FAM83B: variants seen among roughly 807,000 people sequenced by gnomAD.
The protein encoded by FAM83B is protein FAM83B.
FAM83B carries 26 observed loss-of-function variants against 38.8 expected under a neutral mutation model. That is an observed-to-expected ratio of 0.67 (90% CI 0.49 to 0.93). The LOEUF is 0.93. FAM83B is among the 40% of genes least tolerant of loss of function. FAM83B has a pLI of 0.00. For missense variants in FAM83B, 1,237 were observed against 1,197.3 expected (o/e 1.03, Z -0.49); for synonymous variants, 419 against 423.1 (o/e 0.99, Z 0.12).
In FAM83B at chr6:54,870,780, A is replaced by T. The variant is rs369668183; in HGVS notation, c.444+90A>T. On this transcript the variant is annotated intron_variant, in intron 2 of 4. Transcript: ENST00000306858. ...CACAAATATGTATGTTAATAAAAGA[A>T]TCTCTATATGTATAGGCCATGCCTA... 6.5e-6 allele frequency: 8 copies of T among 1,240,162 alleles called. No homozygotes were observed. The South Asian group carries it at 1.3e-4, about 19-fold the overall frequency. 76.8% of individuals were successfully genotyped at this position (1,240,162 alleles called of 1,614,324 possible).
At position 54,877,105 on chromosome 6, in the gene FAM83B, C is replaced by T. The variant is rs143696264; in HGVS notation, c.444+6415C>T. Among the ~76,000 whole-genome samples, 9 of 152,234 alleles carry T rather than the reference C, an allele frequency of 5.9e-5. No homozygotes were observed. The East Asian group carries it at 1.7e-3, about 29-fold the overall frequency. On this transcript the variant is annotated intron_variant, in intron 2 of 4. Transcript: ENST00000306858. Reference sequence around the variant, plus strand: ...ATTAGCAGTTTTACACACTCAGATGCCTTCAGGGCTAAGCCACAAAAATAA... The same window carrying T: ...ATTAGCAGTTTTACACACTCAGATGTCTTCAGGGCTAAGCCACAAAAATAA...
intron 1 of FAM83B, among the ~76,000 whole-genome samples, chr6:54,848,848 C>T (rs1380312241): frequency 1.3e-5 from 2 of 152,052 alleles, no homozygotes; most frequent in African/African-American, 2.4e-5. Flanking sequence ...TGAAAAGAGG[C>T]CACTTAGCTT....
At chr6:54,861,027 C>T (rs1275084040) in intron 1 of FAM83B, among the ~76,000 whole-genome samples, 1 of 152,186 alleles carries the variant, frequency 6.6e-6, no homozygotes, top group Non-Finnish European at 1.5e-5. Flanking sequence ...TTGCCTTGGC[C>T]TACCAAAGTG....
rs775290734 is a variant in FAM83B at position 54,941,838 on chromosome 6, C to G, written c.2867C>G (p.Thr956Ser). The G allele has an allele frequency of 6.3e-7, 1 of 1,578,392 alleles. No homozygotes were observed. Among genetic ancestry groups the G allele is most frequent in the South Asian group, 1.1e-5 (1 of 90,372 alleles). ...CAGCCAACAAGCAACATGCCAAATA[C>G]CAGTATAAATCGCCCAGAAATAAAA... ...SIQPTSNMPN[T>S]SINRPEIKSA... The change falls in exon 5 of 5, where the codon ACC (threonine) becomes AGC (serine). Residue 956 changes from threonine to serine, a missense_variant. Coordinates refer to ENST00000306858, the MANE Select transcript of FAM83B (RefSeq NM_001010872.3).
At chr6:54,925,542 T>C (rs1365864643) in intron 2 of FAM83B, among the ~76,000 whole-genome samples, 12 of 152,198 alleles carry the variant, frequency 7.9e-5, no homozygotes, top group Admixed American at 7.9e-4. Flanking sequence ...ATTTTCCTTC[T>C]AAATTATATC....
intron 2 of FAM83B, among the ~76,000 whole-genome samples, chr6:54,915,558 G>C (rs1173399506): frequency 2.2e-5 from 2 of 91,270 alleles, no homozygotes; most frequent in Non-Finnish European, 4.3e-5. Context: ...TGTAATCCCA[G>C]CACTTTGGGA....
At chr6:54,931,518 G>T (rs1326188560) in intron 4 of FAM83B, among the ~76,000 whole-genome samples, 1 of 151,968 alleles carries the variant, frequency 6.6e-6, no homozygotes, top group Non-Finnish European at 1.5e-5. Context: ...TCTTCTTGGT[G>T]AATTGACCCC....
chr6:54,879,479 G>A (rs1328577954), intron 2 of FAM83B, among the ~76,000 whole-genome samples: 1 of 152,146 alleles, frequency 6.6e-6, no homozygotes, highest in Non-Finnish European at 1.5e-5. Flanking sequence ...AGTGGAAGAA[G>A]GAGAAACTGG....
intron 2 of FAM83B, among the ~76,000 whole-genome samples, chr6:54,880,894 G>C (rs1461686353): frequency 6.6e-6 from 1 of 151,992 alleles, no homozygotes; most frequent in East Asian, 1.9e-4. Context: ...TAAATAAATA[G>C]AGACATACAT....
At chr6:54,927,674 G>C (rs1354382020) in intron 4 of FAM83B, 42 bp downstream of exon 4, 1 of 1,133,042 alleles carries the variant, frequency 8.8e-7, no homozygotes, top group Non-Finnish European at 1.1e-6. Context: ...CAATCGTTTT[G>C]ATGATTTATT....
At chr6:54,868,582 C>A (rs185350152) in intron 1 of FAM83B, among the ~76,000 whole-genome samples, 1 of 152,080 alleles carries the variant, frequency 6.6e-6, no homozygotes, top group Non-Finnish European at 1.5e-5. Flanking sequence ...GGTGTTCTTC[C>A]TTTTTCTCTT....
At chr6:54,913,822 T>A (rs962852746) in intron 2 of FAM83B, among the ~76,000 whole-genome samples, 21 of 152,062 alleles carry the variant, frequency 1.4e-4, no homozygotes, top group African/African-American at 4.1e-4. Flanking sequence ...CCACTCTTGC[T>A]GAATTACCTT....
chr6:54,860,730 A>C (rs1771563685), intron 1 of FAM83B, among the ~76,000 whole-genome samples: 1 of 152,228 alleles, frequency 6.6e-6, no homozygotes, highest in Non-Finnish European at 1.5e-5. Context: ...TATTATGTGT[A>C]AGTGTGTGTA....
At chr6:54,932,583 G>A (rs1472944963) in intron 4 of FAM83B, among the ~76,000 whole-genome samples, 1 of 152,092 alleles carries the variant, frequency 6.6e-6, no homozygotes, top group East Asian at 1.9e-4. Context: ...ATTTTCATAA[G>A]GCTTTGTGTT....
chr6:54,870,296 A>T lies in FAM83B; in HGVS notation c.50A>T (p.Asp17Val), dbSNP rs765204933. Residue 17 changes from aspartate (D) to valine (V), a missense_variant, in exon 2 of 5, where the codon GAC becomes GTC. By Grantham distance (152) the Asp-to-Val change is radical. Coordinates refer to ENST00000306858, the MANE Select transcript of FAM83B (RefSeq NM_001010872.3). ...LSSLNDECKS[D>V]NYIEPHYKEW... ...TCATTGAATGATGAGTGTAAATCTG[A>T]CAACTACATTGAGCCTCACTACAAG... 1.7e-5 allele frequency: 27 copies of T among 1,613,888 alleles called. No homozygotes were observed. The highest frequency in any genetic ancestry group is 2.2e-5 in the Non-Finnish European group (26 of 1,179,920).
In FAM83B at chr6:54,944,424, A is replaced by G. The variant is rs1294153439; in HGVS notation, c.*2417A>G. On this transcript the variant is annotated 3_prime_UTR_variant, in exon 5 of 5. Coordinates refer to ENST00000306858, the MANE Select transcript of FAM83B (RefSeq NM_001010872.3). ...ACAAGAAAAATGGGTATAATTTCAA[A>G]GTAGTTCTTGGCAGATGGCTAGAGA... is the stretch of plus-strand genomic sequence containing the variant. 6.6e-6 allele frequency: 1 copy of G among 152,214 alleles called. No individual in the cohort carries two copies. The highest frequency in any genetic ancestry group is 2.4e-5 in the African/African-American group (1 of 41,468). 9.4% of individuals were successfully genotyped at this position (152,214 alleles called of 1,614,324 possible). A position where few individuals can be genotyped will look rare whatever the true frequency, so the allele number is the denominator to read the frequency against.
chr6:54,859,639 G>C (rs1332435943), intron 1 of FAM83B, among the ~76,000 whole-genome samples: 1 of 152,192 alleles, frequency 6.6e-6, no homozygotes, highest in Non-Finnish European at 1.5e-5. Context: ...TTCAGTGACT[G>C]TTGTACTAGC....
intron 2 of FAM83B, among the ~76,000 whole-genome samples, chr6:54,883,203 A>C (rs1772177162): frequency 6.6e-6 from 1 of 152,106 alleles, no homozygotes; most frequent in Admixed American, 6.5e-5. Context: ...TTGGCCTCCC[A>C]AAGTGCTGGG....
At chr6:54,863,815 G>A (rs1435493703) in intron 1 of FAM83B, among the ~76,000 whole-genome samples, 1 of 152,026 alleles carries the variant, frequency 6.6e-6, no homozygotes, top group Non-Finnish European at 1.5e-5. Flanking sequence ...CATCTAACAT[G>A]TATGTTTTTT....
Sources: gnomAD v4.1 joint callset for allele counts (sites outside exome capture counted in the v4.1 genomes callset) on GRCh38, gnomAD v4.1.1 for gene constraint, MANE v1.5 for transcripts, NCBI Gene and HGNC (gene_info 2026-07-23, HGNC 2026-07-21) for gene names.